The following IL1RAPL2 variants were observed in gnomAD, a reference collection of about 807,000 sequenced individuals.
The protein encoded by IL1RAPL2 is X-linked interleukin-1 receptor accessory protein-like 2.
IL1RAPL2 carries 3 observed loss-of-function variants against 44.1 expected under a neutral mutation model. The ratio of observed to expected loss-of-function variants is 0.07; its 90% CI spans 0.03 to 0.18. The LOEUF is 0.18. IL1RAPL2 is among the 10% of genes least tolerant of loss of function. IL1RAPL2 has a pLI of 1.00. For synonymous variants in IL1RAPL2, 181 were observed against 178.8 expected (o/e 1.01, Z -0.10); for missense variants, 391 against 496.4 (o/e 0.79, Z 2.02).
At chrX:105,540,855 T>TATATATCATATATA (rs1214321115) in intron 6 of IL1RAPL2, among the ~76,000 whole-genome samples, 34 of 93,405 alleles carry the variant, frequency 3.6e-4, no homozygotes, top group African/African-American at 1.2e-3. Context: ...ATACATATAT[T>TATATATCATATATA]ATATATGATA....
At chrX:105,670,697 T>A (rs2037817021) in intron 6 of IL1RAPL2, among the ~76,000 whole-genome samples, 1 of 109,985 alleles carries the variant, frequency 9.1e-6, no homozygotes, top group African/African-American at 3.3e-5. Flanking sequence ...ATCTGTACTA[T>A]GATGAGTCAT....
At chrX:105,147,939 G>A (rs1295201751) in intron 2 of IL1RAPL2, among the ~76,000 whole-genome samples, 1 of 111,088 alleles carries the variant, frequency 9.0e-6, no homozygotes, top group Non-Finnish European at 1.9e-5. Context: ...GTTCTCTAAT[G>A]GGGGTGGAGG....
At position 105,484,338 on chromosome X, in the gene IL1RAPL2, G is replaced by C; in HGVS notation, c.723G>C (p.Lys241Asn). Residue 241 changes from lysine (K) to asparagine (N), a missense_variant, in exon 6 of 11, where the codon AAG (lysine) becomes AAC (asparagine). By Grantham distance (94) the Lys-to-Asn change is moderately conservative. Around this residue, in one of 2 missense-constraint regions of IL1RAPL2, gnomAD observed 159 missense variants for 251.7 expected, o/e 0.63. Transcript: ENST00000372582. ...VTALLTDKPP[K>N]PLFPMENQPS... is the part of the protein sequence containing the mutation. ...CTTTACTCACAGACAAGCCTCCCAA[G>C]CCATTGTTCCCCATGGAGAATCAGC... 8.3e-7 allele frequency: 1 copy of C among 1,207,016 alleles called. No individual in the cohort carries two copies. The highest frequency in any genetic ancestry group is 1.1e-6 in the Non-Finnish European group (1 of 891,400).
At chrX:104,864,784 T>A in intron 2 of IL1RAPL2, among the ~76,000 whole-genome samples, 1 of 111,665 alleles carries the variant, frequency 9.0e-6, no homozygotes, top group Non-Finnish European at 1.9e-5. Context: ...GGAAGACCTC[T>A]GGCCTTTTAC....
At chrX:104,589,672 CT>C (rs749483579) in intron 1 of IL1RAPL2, among the ~76,000 whole-genome samples, 1 of 111,977 alleles carries the variant, frequency 8.9e-6, no homozygotes. Flanking sequence ...TTTATGATGT[CT>C]TTTTTTCACT....
intron 2 of IL1RAPL2, among the ~76,000 whole-genome samples, chrX:104,916,027 G>A (rs1199172357): frequency 9.0e-6 from 1 of 111,606 alleles, no homozygotes; most frequent in African/African-American, 3.3e-5. Flanking sequence ...TGTTCTTTTG[G>A]CTTAGGATTG....
At chrX:105,732,192 C>T (rs2038411882) in intron 7 of IL1RAPL2, among the ~76,000 whole-genome samples, 1 of 111,188 alleles carries the variant, frequency 9.0e-6, no homozygotes, top group Non-Finnish European at 1.9e-5. Context: ...GTTCTCCATG[C>T]TTTTTCTGCC....
chrX:105,259,751 C>T (rs888277366), intron 4 of IL1RAPL2, among the ~76,000 whole-genome samples: 36 of 111,324 alleles, frequency 3.2e-4, no homozygotes, highest in African/African-American at 9.8e-4. Flanking sequence ...TAGCAAGGGC[C>T]GTTCCACTAC....
intron 6 of IL1RAPL2, among the ~76,000 whole-genome samples, chrX:105,545,560 G>A: frequency 8.9e-6 from 1 of 112,132 alleles, no homozygotes; most frequent in East Asian, 2.8e-4. Flanking sequence ...ATTGGGCTGA[G>A]TGCAATGTCT....
At chrX:105,061,665 A>T in intron 2 of IL1RAPL2, among the ~76,000 whole-genome samples, 1 of 111,840 alleles carries the variant, frequency 8.9e-6, no homozygotes, top group East Asian at 2.8e-4. Flanking sequence ...ATATTATTGC[A>T]TTGGGACCTA....
chrX:105,058,094 G>C (rs369779429), intron 2 of IL1RAPL2, among the ~76,000 whole-genome samples: 1 of 107,985 alleles, frequency 9.3e-6, no homozygotes, highest in Middle Eastern at 4.7e-3. Context: ...GACTACAGGC[G>C]CCTGCCACCA....
At chrX:104,718,990 G>C (rs753158308) in intron 2 of IL1RAPL2, among the ~76,000 whole-genome samples, 15 of 111,932 alleles carry the variant, frequency 1.3e-4, no homozygotes, top group African/African-American at 4.5e-4. Context: ...CACATAGTGG[G>C]TTGTAGTTTC....
Position 105,755,364 on chromosome X carries a change from T to C in IL1RAPL2, c.1363+17T>C, listed in dbSNP as rs1378652116. Reference sequence around the variant, plus strand: ...CAAGTGGAAGTAAGTACTTTCAAATTTTGTGTTTAAAACGTTCTGTTTCTT... The same window carrying C: ...CAAGTGGAAGTAAGTACTTTCAAATCTTGTGTTTAAAACGTTCTGTTTCTT... On this transcript the variant is annotated intron_variant, in intron 10 of 10. Coordinates refer to ENST00000372582, the MANE Select transcript of IL1RAPL2 (RefSeq NM_017416.2). The C allele has an allele frequency of 3.5e-6, 4 of 1,151,773 alleles. No homozygotes were observed. The highest frequency in any genetic ancestry group is 4.7e-6 in the Non-Finnish European group (4 of 850,457). The allele number at this position is 1,151,773 out of a possible 1,213,427, so 94.9% of individuals were successfully genotyped here.
chrX:105,409,807 T>TAGATAG (rs2035678892), intron 5 of IL1RAPL2, among the ~76,000 whole-genome samples: 1 of 89,418 alleles, frequency 1.1e-5, no homozygotes, highest in Non-Finnish European at 2.1e-5. Flanking sequence ...GGCTTTGATT[T>TAGATAG]ATAGATAGAT....
chrX:105,593,258 G>T (rs889482982), intron 6 of IL1RAPL2, among the ~76,000 whole-genome samples: 2 of 111,856 alleles, frequency 1.8e-5, no homozygotes, highest in Non-Finnish European at 3.8e-5. Context: ...TGAAATTATT[G>T]TAGTGAGTTT....
At chrX:105,409,365 T>C (rs1331997421) in intron 5 of IL1RAPL2, among the ~76,000 whole-genome samples, 1 of 111,763 alleles carries the variant, frequency 8.9e-6, no homozygotes, top group Non-Finnish European at 1.9e-5. Context: ...ATCTAACAAT[T>C]ATTTATTGGA....
intron 5 of IL1RAPL2, among the ~76,000 whole-genome samples, chrX:105,360,195 A>C (rs940415481): frequency 1.8e-5 from 2 of 111,549 alleles, no homozygotes; most frequent in African/African-American, 6.5e-5. Flanking sequence ...AGCAATACCT[A>C]CCCATGGCTA....
At chrX:104,650,606 A>G (rs180824831) in intron 1 of IL1RAPL2, among the ~76,000 whole-genome samples, 117 of 111,021 alleles carry the variant, frequency 1.1e-3, no homozygotes, top group African/African-American at 3.6e-3. Flanking sequence ...TTCCCTTTCA[A>G]TGGGAAATCT....
At chrX:105,455,125 G>A (rs1390364837) in intron 5 of IL1RAPL2, among the ~76,000 whole-genome samples, 4 of 111,646 alleles carry the variant, frequency 3.6e-5, no homozygotes, top group Non-Finnish European at 7.5e-5. Context: ...TGCCTGAAAA[G>A]GAATTTAAAA....
Sources: gnomAD v4.1 joint callset for allele counts (sites outside exome capture counted in the v4.1 genomes callset) on GRCh38, gnomAD v4.1.1 for gene constraint, gnomAD v4.1.1 regional missense constraint, MANE v1.5 for transcripts, NCBI Gene and HGNC (gene_info 2026-07-23, HGNC 2026-07-21) for gene names.